CDH13: variants seen among roughly 807,000 people sequenced by gnomAD.
The protein encoded by CDH13 is cadherin 13, also known as cadherin-13.
A neutral mutation model predicts 63.8 loss-of-function variants in CDH13; 24 were observed. The ratio of observed to expected loss-of-function variants is 0.38; its 90% CI spans 0.27 to 0.53. The LOEUF (loss-of-function observed/expected upper bound fraction) is 0.53, where lower values mean the gene tolerates loss of function less well. Ranked by LOEUF, CDH13 falls within the 20% of genes least tolerant of loss-of-function variation. The pLI is 0.85. For synonymous variants in CDH13, 503 were observed against 355.3 expected (o/e 1.42, Z -4.67); for missense variants, 1,049 against 903.1 (o/e 1.16, Z -2.07).
At chr16:82,799,536 A>G (rs968330150) in intron 1 of CDH13, among the ~76,000 whole-genome samples, 3 of 152,214 alleles carry the variant, frequency 2.0e-5, no homozygotes, top group African/African-American at 7.2e-5. Flanking sequence ...TTTTTGCAAC[A>G]TTGCTAATTC....
intron 1 of CDH13, among the ~76,000 whole-genome samples, chr16:82,827,120 G>T (rs931515938): frequency 6.6e-6 from 1 of 152,186 alleles, no homozygotes; most frequent in African/African-American, 2.4e-5. Flanking sequence ...GCCTTGTTCT[G>T]CTAGTGCTAA....
intron 2 of CDH13, among the ~76,000 whole-genome samples, chr16:82,866,302 G>T (rs577416975): frequency 6.7e-6 from 1 of 149,970 alleles, no homozygotes; most frequent in Non-Finnish European, 1.5e-5. Context: ...TCATTTTTGG[G>T]TATCCTTATA....
intron 2 of CDH13, among the ~76,000 whole-genome samples, chr16:82,988,224 G>C (rs1229796205): frequency 6.6e-6 from 1 of 152,168 alleles, no homozygotes; most frequent in Non-Finnish European, 1.5e-5. Context: ...ATGTATGTAA[G>C]AGCACGCACA....
intron 2 of CDH13, among the ~76,000 whole-genome samples, chr16:82,898,413 T>C (rs2041341728): frequency 6.6e-6 from 1 of 152,190 alleles, no homozygotes; most frequent in Non-Finnish European, 1.5e-5. Flanking sequence ...TAATTCCGGC[T>C]ACTCAGGAGG....
intron 1 of CDH13, among the ~76,000 whole-genome samples, chr16:82,755,778 G>A (rs2034591676): frequency 6.6e-6 from 1 of 152,176 alleles, no homozygotes; most frequent in Non-Finnish European, 1.5e-5. Flanking sequence ...CCACTAGGTG[G>A]TATGTCCATT....
At chr16:83,600,596 C>A (rs1907695894) in intron 7 of CDH13, among the ~76,000 whole-genome samples, 1 of 152,144 alleles carries the variant, frequency 6.6e-6, no homozygotes. Context: ...TTCCTTGCTT[C>A]CTGTGGTATT....
intron 5 of CDH13, among the ~76,000 whole-genome samples, chr16:83,302,920 T>A (rs1221861687): frequency 1.3e-5 from 2 of 152,172 alleles, no homozygotes; most frequent in African/African-American, 4.8e-5. Context: ...AAGGGCAGAC[T>A]TCCAGGTGCA....
chr16:83,052,802 A>AG, intron 3 of CDH13, among the ~76,000 whole-genome samples: 1 of 120,362 alleles, frequency 8.3e-6, no homozygotes, highest in African/African-American at 3.9e-5. Flanking sequence ...AAAAAAAAAA[A>AG]AAGAAAGAAA....
intron 1 of CDH13, among the ~76,000 whole-genome samples, chr16:82,679,008 A>C (rs1914246230): frequency 6.6e-6 from 1 of 152,092 alleles, no homozygotes; most frequent in African/African-American, 2.4e-5. Context: ...CCAGTTGATC[A>C]CCGCTGTGGG....
intron 12 of CDH13, 124 bp from the exon 13 acceptor site, chr16:83,783,130 A>C (rs1915642885): frequency 1.5e-6 from 1 of 675,462 alleles, no homozygotes; most frequent in Admixed American, 2.4e-5. Flanking sequence ...TTTAAATGTA[A>C]GCATTCGCAC....
At chr16:83,186,079 CTTTTT>C (rs1221344099) in intron 4 of CDH13, among the ~76,000 whole-genome samples, 2 of 135,074 alleles carry the variant, frequency 1.5e-5, no homozygotes, top group Non-Finnish European at 3.3e-5. Flanking sequence ...TTAAAGGCAT[CTTTTT>C]ATTTTATTTT....
At chr16:83,056,435 TATATC>T (rs1415380522) in intron 3 of CDH13, among the ~76,000 whole-genome samples, 3 of 152,054 alleles carry the variant, frequency 2.0e-5, no homozygotes, top group Non-Finnish European at 2.9e-5. Context: ...TTTTGGCACA[TATATC>T]ATATGTATAT....
intron 7 of CDH13, among the ~76,000 whole-genome samples, chr16:83,588,935 C>A (rs1267271576): frequency 1.3e-5 from 2 of 152,130 alleles, no homozygotes; most frequent in Non-Finnish European, 2.9e-5. Flanking sequence ...CAGCGGTCAC[C>A]CCCCAGAGAA....
At position 83,595,386 on chromosome 16, in the gene CDH13, C is replaced by A. The variant is rs540279323; in HGVS notation, c.961-7068C>A. The stretch of plus-strand genomic sequence containing the variant: ...GCTGACTACTGGCTAGGTGTTGCAG[C>A]CAAAGGCATGGTCCTTGCCCTTGAA... On this transcript the variant is annotated intron_variant, in intron 7 of 13. Coordinates refer to ENST00000567109, the MANE Select transcript of CDH13 (RefSeq NM_001257.5). Among the ~76,000 whole-genome samples, 4 of 152,260 alleles carry A rather than the reference C, an allele frequency of 2.6e-5. 1 individual carries two copies. The highest frequency in any genetic ancestry group is 9.6e-5 in the African/African-American group (4 of 41,542).
chr16:82,938,783 C>T (rs2042745430), intron 2 of CDH13, among the ~76,000 whole-genome samples: 1 of 152,188 alleles, frequency 6.6e-6, no homozygotes, highest in Non-Finnish European at 1.5e-5. Flanking sequence ...AAGTTTAATC[C>T]TGTAAGAAAA....
chr16:83,536,631 A>T (rs970384196), intron 7 of CDH13, among the ~76,000 whole-genome samples: 1 of 152,184 alleles, frequency 6.6e-6, no homozygotes, highest in Non-Finnish European at 1.5e-5. Context: ...ATATTAAGTT[A>T]TATGGAGATA....
At chr16:83,361,342 A>G (rs554593301) in intron 6 of CDH13, among the ~76,000 whole-genome samples, 1 of 152,328 alleles carries the variant, frequency 6.6e-6, no homozygotes, top group Admixed American at 6.5e-5. Flanking sequence ...GACTTCCATC[A>G]GATGCATAAT....
chr16:82,846,384 A>G (rs1303327217), intron 1 of CDH13, among the ~76,000 whole-genome samples: 3 of 152,066 alleles, frequency 2.0e-5, no homozygotes, highest in Non-Finnish European at 4.4e-5. Flanking sequence ...AGCTATCAAT[A>G]TAAATAATAA....
chr16:83,301,025 G>GTTTT (rs3052591), intron 5 of CDH13, among the ~76,000 whole-genome samples: 17,089 of 78,666 alleles, frequency 0.22, 3,310 homozygotes, highest in East Asian at 0.45. Context: ...ACTTTCTGGG[G>GTTTT]TTTTTTTTTT....
Sources: gnomAD v4.1 joint callset for allele counts (sites outside exome capture counted in the v4.1 genomes callset) on GRCh38, gnomAD v4.1.1 for gene constraint, MANE v1.5 for transcripts, NCBI Gene and HGNC (gene_info 2026-07-23, HGNC 2026-07-21) for gene names.